SLC4A1AP: variants seen among roughly 807,000 people sequenced by gnomAD.
SLC4A1AP encodes the protein kanadaptin.
A neutral mutation model predicts 89.7 loss-of-function variants in SLC4A1AP; 64 were observed. The ratio of observed to expected loss-of-function variants is 0.71; its 90% CI spans 0.58 to 0.88. The LOEUF is 0.88. Among genes scored for constraint, SLC4A1AP ranks in the 40% least tolerant of loss-of-function variants. SLC4A1AP has a pLI of 0.00. For synonymous variants in SLC4A1AP, 366 were observed against 353.3 expected (o/e 1.04, Z -0.40); for missense variants, 931 against 965.0 (o/e 0.96, Z 0.47).
At chr2:27,684,998 A>G in intron 9 of SLC4A1AP, 39 bp from the exon 10 acceptor site, 1 of 1,553,974 alleles carries the variant, frequency 6.4e-7, no homozygotes, top group Non-Finnish European at 8.7e-7. Flanking sequence ...TGTTGTCATT[A>G]AGTAGAACTA....
At chr2:27,667,429 C>G (rs1675348039) in intron 3 of SLC4A1AP, 39 bp downstream of exon 3, 11 of 1,575,306 alleles carry the variant, frequency 7.0e-6, no homozygotes, top group Non-Finnish European at 7.7e-6. Context: ...TAAAACATAT[C>G]CAGAGCAGTG....
chr2:27,664,207 C>G (rs1036943982), exon 1 of SLC4A1AP: 2 of 1,614,154 alleles, frequency 1.2e-6, no homozygotes. Context: ...GCCCGGGCTC[C>G]CCCCTACCAA....
At chr2:27,664,438 C>A (rs756259698) in exon 1 of SLC4A1AP, 1 of 1,614,104 alleles carries the variant, frequency 6.2e-7, no homozygotes, top group African/African-American at 1.3e-5. Flanking sequence ...AGCAACGGGC[C>A]GGGCTTCTAC....
intron 5 of SLC4A1AP, among the ~76,000 whole-genome samples, chr2:27,671,983 A>G (rs1443475342): frequency 6.6e-6 from 1 of 152,156 alleles, no homozygotes; most frequent in Admixed American, 6.5e-5. Flanking sequence ...AATTTTTCTT[A>G]TTTTACATTC....
intron 2 of SLC4A1AP, among the ~76,000 whole-genome samples, chr2:27,666,095 A>G (rs1675314042): frequency 6.6e-6 from 1 of 152,220 alleles, no homozygotes; most frequent in Admixed American, 6.5e-5. Context: ...ACTTAGTCTG[A>G]AAAAAAGAAT....
chr2:27,685,389 T>A, intron 10 of SLC4A1AP, 112 bp downstream of exon 10: 1 of 1,337,366 alleles, frequency 7.5e-7, no homozygotes, highest in Middle Eastern at 2.1e-4. Context: ...TTGTATGTGA[T>A]ATACTGACTC....
At chr2:27,685,458 C>T (rs1675690164) in intron 10 of SLC4A1AP, among the ~76,000 whole-genome samples, 181 bp downstream of exon 10, 2 of 152,190 alleles carry the variant, frequency 1.3e-5, no homozygotes, top group South Asian at 4.1e-4. Flanking sequence ...CATTATTTGT[C>T]TTCATTGCAA....
chr2:27,668,711 A>C (rs1675374269), intron 3 of SLC4A1AP, 132 bp from the exon 4 acceptor site: 1 of 845,410 alleles, frequency 1.2e-6, no homozygotes, highest in African/African-American at 1.7e-5. Flanking sequence ...CAGCCTCCCA[A>C]AGTGTTAGGA....
intron 5 of SLC4A1AP, among the ~76,000 whole-genome samples, chr2:27,674,571 TTG>T (rs1205707401): frequency 6.6e-6 from 1 of 150,636 alleles, no homozygotes; most frequent in African/African-American, 2.5e-5. Flanking sequence ...ATTTTTAAAT[TTG>T]TACTTTATTT....
At chr2:27,684,065 G>C (rs1218793913) in intron 9 of SLC4A1AP, among the ~76,000 whole-genome samples, 1 of 152,048 alleles carries the variant, frequency 6.6e-6, no homozygotes, top group Non-Finnish European at 1.5e-5. Context: ...GGGGACTTAG[G>C]TTTTAAATAG....
At chr2:27,672,014 C>T (rs984926098) in intron 5 of SLC4A1AP, among the ~76,000 whole-genome samples, 2 of 152,164 alleles carry the variant, frequency 1.3e-5, no homozygotes, top group African/African-American at 4.8e-5. Flanking sequence ...TTGAGAAATC[C>T]TAAACTGTTC....
At chr2:27,691,135 T>C (rs1675780646) in intron 12 of SLC4A1AP, among the ~76,000 whole-genome samples, 1 of 152,192 alleles carries the variant, frequency 6.6e-6, no homozygotes. Flanking sequence ...TCCTTGAATG[T>C]CTGGTAGAAT....
At chr2:27,682,429 T>G in intron 9 of SLC4A1AP, 70 bp downstream of exon 9, 1 of 902,206 alleles carries the variant, frequency 1.1e-6, no homozygotes, top group Non-Finnish European at 1.8e-6. Flanking sequence ...TCTCTTTTCT[T>G]TTTTGAAACT....
chr2:27,687,850 CTT>C lies in SLC4A1AP; in HGVS notation c.2117-82_2117-81del, dbSNP rs1396533924. ...CTGGATGATTATGTACTTAGCTTCT[CTT>C]TCTCTTGTTTTTGTTTTTGTTTGTT... On this transcript the variant is annotated intron_variant, in intron 10 of 13. Transcript: ENST00000613058. 5.9e-6 allele frequency: 6 copies of C among 1,009,106 alleles called. No homozygotes were observed. The Admixed American group carries it at 1.2e-4, about 21-fold the overall frequency. 62.5% of individuals were successfully genotyped at this position (1,009,106 alleles called of 1,614,324 possible). A position where few individuals can be genotyped will look rare whatever the true frequency, so the allele number is the denominator to read the frequency against.
intron 9 of SLC4A1AP, 137 bp from the exon 10 acceptor site, chr2:27,684,900 C>A: frequency 1.0e-6 from 1 of 980,768 alleles, no homozygotes; most frequent in Non-Finnish European, 1.5e-6. Flanking sequence ...AAAGTCCCAC[C>A]TCCAGCAGAC....
chr2:27,685,089 A>G, exon 10 of SLC4A1AP: 1 of 1,613,846 alleles, frequency 6.2e-7, no homozygotes, highest in African/African-American at 1.3e-5. Flanking sequence ...AGAATGAAAG[A>G]TGAGCCTGAA....
intron 6 of SLC4A1AP, among the ~76,000 whole-genome samples, chr2:27,676,003 G>T (rs981729678): frequency 6.6e-6 from 1 of 152,176 alleles, no homozygotes; most frequent in Non-Finnish European, 1.5e-5. Context: ...GCGTTCTGAG[G>T]TGAAATTGAC....
chr2:27,674,195 AG>A (rs1247661559), intron 5 of SLC4A1AP, among the ~76,000 whole-genome samples: 1 of 152,174 alleles, frequency 6.6e-6, no homozygotes, highest in East Asian at 1.9e-4. Context: ...TATAAATATG[AG>A]GGAAAGAGTC....
At position 27,682,379 on chromosome 2, in the gene SLC4A1AP, G is replaced by A. The variant is rs764053248; in HGVS notation, c.1875+20G>A. 4.0e-6 allele frequency: 6 copies of A among 1,505,284 alleles called. No individual in the cohort carries two copies. The African/African-American group carries it at 8.3e-5, about 21-fold the overall frequency. 93.2% of individuals were successfully genotyped at this position (1,505,284 alleles called of 1,614,324 possible). ...GTAGGGGTAAGTTGTGAGTCAGGGT[G>A]TTAAACTTTTAGCCCTTGAGTTATC... On this transcript the variant is annotated intron_variant, in intron 9 of 13. Coordinates refer to ENST00000613058, the Ensembl canonical transcript of SLC4A1AP.
Sources: allele counts gnomAD v4.1 joint callset (sites outside exome capture counted in the v4.1 genomes callset), GRCh38; gene constraint gnomAD v4.1.1; transcripts MANE v1.5; gene names NCBI Gene and HGNC (gene_info 2026-07-23, HGNC 2026-07-21).